VPS53: variants seen among roughly 807,000 people sequenced by gnomAD.
The protein encoded by VPS53 is VPS53 subunit of GARP complex.
Under a neutral mutation model 107.0 loss-of-function variants are expected in VPS53, and 70 were observed. The ratio of observed to expected loss-of-function variants is 0.65; its 90% CI spans 0.54 to 0.80. The LOEUF is 0.80. Ranked by LOEUF, VPS53 falls within the 30% of genes least tolerant of loss-of-function variation. The pLI is 0.00. For synonymous variants in VPS53, 409 were observed against 393.3 expected (o/e 1.04, Z -0.47); for missense variants, 917 against 1,049.4 (o/e 0.87, Z 1.74).
chr17:648,380 T>C (rs963844064), intron 7 of VPS53, among the ~76,000 whole-genome samples: 4 of 152,122 alleles, frequency 2.6e-5, no homozygotes, highest in Non-Finnish European at 2.9e-5. Context: ...TGAAACCCTG[T>C]CTCTACTAAA....
chr17:634,665 A>C (rs1159411082), intron 7 of VPS53, among the ~76,000 whole-genome samples: 1 of 150,766 alleles, frequency 6.6e-6, no homozygotes, highest in Non-Finnish European at 1.5e-5. Flanking sequence ...TTGTCCTTGC[A>C]ATAGTTTGCT....
At position 576,560 on chromosome 17, in the gene VPS53, G is replaced by A. The variant is rs575395753; in HGVS notation, c.1313+9710C>T. Among the ~76,000 whole-genome samples, 12 of 149,140 alleles carry A rather than the reference G, an allele frequency of 8.0e-5. No individual in the cohort carries two copies. In the South Asian group the frequency reaches 1.9e-3, roughly 24 times the overall value. ...CAGAACCTCCTCCAGCACCTAATGC[G>A]TTCCCAGAGAACCTCCCACAGACCT... On this transcript the variant is annotated intron_variant, in intron 13 of 21. Coordinates refer to ENST00000437048, the MANE Select transcript of VPS53 (RefSeq NM_001128159.3).
At chr17:658,293 G>T (rs1475152334) in intron 5 of VPS53, among the ~76,000 whole-genome samples, 2 of 126,248 alleles carry the variant, frequency 1.6e-5, no homozygotes, top group African/African-American at 2.8e-5. Context: ...CCGTGAGTTC[G>T]TGGATAGATA....
chr17:704,871 A>G (rs1167723995), intron 2 of VPS53, among the ~76,000 whole-genome samples: 3 of 152,236 alleles, frequency 2.0e-5, no homozygotes, highest in African/African-American at 7.2e-5. Context: ...TGAATCAGCA[A>G]TTACTATCTT....
At chr17:531,800 G>A (rs570285763) in intron 19 of VPS53, among the ~76,000 whole-genome samples, 7 of 98,716 alleles carry the variant, frequency 7.1e-5, no homozygotes, top group African/African-American at 2.6e-4. Flanking sequence ...TTTTTGAGAT[G>A]GAGTCTCACT....
In VPS53 at chr17:628,102, G is replaced by T. The variant is rs1156924460; in HGVS notation, c.817C>A (p.Gln273Lys). 6.2e-7 allele frequency: 1 copy of T among 1,610,734 alleles called. No individual in the cohort carries two copies. Among genetic ancestry groups the T allele is most frequent in the African/African-American group, 1.3e-5 (1 of 74,700 alleles). Residue 273 changes from glutamine to lysine, a missense_variant, in exon 9 of 22, where the codon CAA becomes AAA. Transcript: ENST00000437048. ...TCAATACTCACATCTTGGTTTTCTT[G>T]AAAAAGTACCAGATACTCTGACAGA... The part of the protein sequence containing the change: ...QHLSEYLVLF[Q>K]ENQDVAWLDK...
At chr17:660,460 G>C (rs1012463871) in intron 5 of VPS53, among the ~76,000 whole-genome samples, 1 of 152,136 alleles carries the variant, frequency 6.6e-6, no homozygotes, top group Admixed American at 6.5e-5. Context: ...CATAACTTGG[G>C]AGTAAACTGT....
chr17:586,177 T>G, intron 13 of VPS53, 93 bp downstream of exon 13: 1 of 1,149,426 alleles, frequency 8.7e-7, no homozygotes, highest in Non-Finnish European at 1.3e-6. Context: ...CAACCATCTT[T>G]CAGCCCCGGA....
At position 517,649 on chromosome 17, in the gene VPS53, A is replaced by G. The variant is rs779093986; in HGVS notation, c.*1479T>C. On this transcript the variant is annotated 3_prime_UTR_variant, in exon 22 of 22. Coordinates refer to ENST00000437048, the MANE Select transcript of VPS53 (RefSeq NM_001128159.3). ...ATTCTCCTGCCTCAGCCTCCCCAGTAGCTGGGATTACAGGCACTCGCCATG... is the reference window on the plus strand; with the variant it reads ...ATTCTCCTGCCTCAGCCTCCCCAGTGGCTGGGATTACAGGCACTCGCCATG... The G allele has an allele frequency of 1.6e-4, 61 of 375,136 alleles. No individual in the cohort carries two copies. Among genetic ancestry groups the G allele is most frequent in the Non-Finnish European group, 2.4e-4 (51 of 212,070 alleles). 23.2% of individuals were successfully genotyped at this position (375,136 alleles called of 1,614,324 possible).
intron 7 of VPS53, among the ~76,000 whole-genome samples, chr17:640,023 C>T (rs1970359522): frequency 6.6e-6 from 1 of 152,206 alleles, no homozygotes; most frequent in South Asian, 2.1e-4. Flanking sequence ...GCAGGCAGGC[C>T]TCCTTGAGCT....
At chr17:569,487 T>C (rs1453568285) in intron 13 of VPS53, among the ~76,000 whole-genome samples, 3 of 152,142 alleles carry the variant, frequency 2.0e-5, no homozygotes, top group Non-Finnish European at 2.9e-5. Flanking sequence ...ATAAAAGAGA[T>C]AGTGATGCCT....
At chr17:540,993 T>C (rs923298879) in intron 17 of VPS53, among the ~76,000 whole-genome samples, 6 of 152,212 alleles carry the variant, frequency 3.9e-5, no homozygotes, top group Admixed American at 2.6e-4. Context: ...TTCCTATTGC[T>C]ATAGGAAGCT....
intron 14 of VPS53, among the ~76,000 whole-genome samples, chr17:561,446 G>A (rs1317443857): frequency 6.6e-6 from 1 of 152,128 alleles, no homozygotes; most frequent in African/African-American, 2.4e-5. Flanking sequence ...GTGGGAAAAT[G>A]CTCCCACGAT....
intron 19 of VPS53, chr17:532,629 C>T: frequency 7.7e-7 from 1 of 1,292,216 alleles, no homozygotes; most frequent in East Asian, 2.7e-5. Flanking sequence ...CTGTGTTATA[C>T]CCTGCACCCA....
intron 18 of VPS53, among the ~76,000 whole-genome samples, chr17:535,725 A>G (rs1910002601): frequency 6.6e-6 from 1 of 152,202 alleles, no homozygotes; most frequent in Non-Finnish European, 1.5e-5. Flanking sequence ...GAGCACCCAG[A>G]GAGTGAGGGA....
rs1908355244 is a variant in VPS53, at chr17:516,936, G to A, written c.*2192C>T. The A allele has an allele frequency of 6.5e-6, 1 of 152,888 alleles. No homozygotes were observed. The highest frequency in any genetic ancestry group is 6.5e-5 in the Admixed American group (1 of 15,304). 9.5% of individuals were successfully genotyped at this position (152,888 alleles called of 1,614,324 possible). On this transcript the variant is annotated 3_prime_UTR_variant, in exon 22 of 22. Coordinates refer to ENST00000437048, the MANE Select transcript of VPS53 (RefSeq NM_001128159.3). The stretch of plus-strand genomic sequence containing the variant: ...CGACTCCTCAACAATGAACCAAAAA[G>A]AGAAGTGGTGATCTGTACACAAACG...
intron 13 of VPS53, among the ~76,000 whole-genome samples, chr17:563,893 C>T (rs913102568): frequency 2.0e-5 from 3 of 152,218 alleles, no homozygotes; most frequent in African/African-American, 4.8e-5. Flanking sequence ...TGGTTTCTTT[C>T]TCCTCCGATT....
chr17:601,723 C>G, intron 12 of VPS53, 72 bp downstream of exon 12: 5 of 1,237,032 alleles, frequency 4.0e-6, no homozygotes, highest in Non-Finnish European at 5.7e-6. Context: ...AGGATCGTAT[C>G]TGGAGCAAGC....
intron 10 of VPS53, 114 bp downstream of exon 10, chr17:627,060 G>T: frequency 7.3e-7 from 1 of 1,360,638 alleles, no homozygotes. Flanking sequence ...TTAGTCATCT[G>T]GTGGGGTCTG....
Sources: gnomAD v4.1 joint callset for allele counts (sites outside exome capture counted in the v4.1 genomes callset) on GRCh38, gnomAD v4.1.1 for gene constraint, MANE v1.5 for transcripts, NCBI Gene and HGNC (gene_info 2026-07-23, HGNC 2026-07-21) for gene names.